Variants in SGCD observed in about 807,000 individuals in gnomAD.
The protein encoded by SGCD is sarcoglycan delta, also known as delta-sarcoglycan.
Under a neutral mutation model 36.6 loss-of-function variants are expected in SGCD, and 18 were observed. The ratio of observed to expected loss-of-function variants is 0.49; its 90% confidence interval spans 0.34 to 0.73. The LOEUF is 0.73. Ranked by LOEUF, SGCD falls within the 30% of genes least tolerant of loss-of-function variation. The pLI is 0.01. For missense variants in SGCD, 387 were observed against 346.7 expected (o/e 1.12, Z -0.92); for synonymous variants, 133 against 130.6 (o/e 1.02, Z -0.12).
At position 156,587,603 on chromosome 5, in the gene SGCD, C is replaced by T. The variant is rs142086963; in HGVS notation, c.295-1628C>T. On this transcript the variant is annotated intron_variant, in intron 4 of 8. Coordinates refer to ENST00000337851, the MANE Select transcript of SGCD (RefSeq NM_000337.6). ...ATTCTGCCATGTGCAGGTGACTGGA[C>T]TGGGCTGGCCAATCCAGTCTGCATC... is the stretch of plus-strand genomic sequence containing the variant. Among the ~76,000 whole-genome samples the T allele has an allele frequency of 1.5e-3, 233 of 152,290 alleles. 2 individuals are homozygous for T. The East Asian group carries it at 0.036, about 24-fold the overall frequency.
intron 3 of SGCD, among the ~76,000 whole-genome samples, chr5:156,409,978 G>A (rs1178479541): frequency 6.6e-6 from 1 of 152,118 alleles, no homozygotes; most frequent in Non-Finnish European, 1.5e-5. Flanking sequence ...GAAGATGTAT[G>A]AAGTAATATG....
chr5:155,863,907 C>T, the SGCD span, among the ~76,000 whole-genome samples: 1 of 152,042 alleles, frequency 6.6e-6, no homozygotes, highest in Non-Finnish European at 1.5e-5. Flanking sequence ...AGACAAGGAC[C>T]CTACTGTCAT....
intron 6 of SGCD, among the ~76,000 whole-genome samples, chr5:156,611,468 A>T (rs1038728914): frequency 2.6e-5 from 4 of 152,158 alleles, no homozygotes; most frequent in Non-Finnish European, 4.4e-5. Flanking sequence ...TCTTTTGAGA[A>T]ATTTGCTTGT....
At chr5:156,634,512 A>C (rs1168432308) in intron 6 of SGCD, among the ~76,000 whole-genome samples, 3 of 152,324 alleles carry the variant, frequency 2.0e-5, no homozygotes, top group Non-Finnish European at 4.4e-5. Context: ...GAGTCAGAGA[A>C]GCCAGACCCA....
chr5:156,429,099 T>C (rs1356502429), intron 3 of SGCD, among the ~76,000 whole-genome samples: 7 of 152,006 alleles, frequency 4.6e-5, no homozygotes, highest in Non-Finnish European at 1.0e-4. Flanking sequence ...TAGTGTTTTA[T>C]TGAAGTCCCC....
chr5:155,794,998 G>T, the SGCD span, among the ~76,000 whole-genome samples: 1 of 152,104 alleles, frequency 6.6e-6, no homozygotes. Flanking sequence ...ACTGACAGCT[G>T]ACATGCTAGC....
At chr5:156,473,728 C>G (rs1265431859) in intron 3 of SGCD, among the ~76,000 whole-genome samples, 3 of 152,084 alleles carry the variant, frequency 2.0e-5, no homozygotes, top group Non-Finnish European at 2.9e-5. Context: ...CAGGCTTCAC[C>G]CTGGGGATAT....
intron 7 of SGCD, among the ~76,000 whole-genome samples, chr5:156,741,644 C>A (rs1398948020): frequency 6.6e-6 from 1 of 152,196 alleles, no homozygotes; most frequent in Non-Finnish European, 1.5e-5. Context: ...GTGAAACCAT[C>A]TCAGAGGGTA....
chr5:156,174,259 A>G (rs2127623501), intron 3 of SGCD, among the ~76,000 whole-genome samples: 1 of 152,316 alleles, frequency 6.6e-6, no homozygotes, highest in South Asian at 2.1e-4. Context: ...TAGAGGGGAG[A>G]GGCTTACTTT....
chr5:156,206,319 A>G (rs1044523752), intron 3 of SGCD, among the ~76,000 whole-genome samples: 4 of 151,968 alleles, frequency 2.6e-5, no homozygotes, highest in African/African-American at 7.2e-5. Flanking sequence ...TAATACTACC[A>G]TGAATAAGTG....
At position 156,488,107 on chromosome 5, in the gene SGCD, T is replaced by TTG. The variant is rs1554107889; in HGVS notation, c.193-20493_193-20492insGT. ...CTGAACTTGAAGACAGGTTTTTTTTTTTTTTTTTTTTTTTTTTAAATAACC... is the reference window on the plus strand; with the variant it reads ...CTGAACTTGAAGACAGGTTTTTTTTTTGTTTTTTTTTTTTTTTTTAAATAACC... On this transcript the variant is annotated intron_variant, in intron 3 of 8. Coordinates refer to ENST00000337851, the MANE Select transcript of SGCD (RefSeq NM_000337.6). Among the ~76,000 whole-genome samples, 1,168 of 140,774 alleles carry TTG rather than the reference T, an allele frequency of 8.3e-3. 21 individuals carry two copies. The highest frequency in any genetic ancestry group is 0.024 in the African/African-American group (900 of 36,742). 92.4% of individuals were successfully genotyped at this position (140,774 alleles called of 152,430 possible). A position where few individuals can be genotyped will look rare whatever the true frequency, so the allele number is the denominator to read the frequency against.
At chr5:155,941,776 C>T (rs1363684091) in intron 1 of SGCD, among the ~76,000 whole-genome samples, 3 of 151,922 alleles carry the variant, frequency 2.0e-5, no homozygotes, top group Non-Finnish European at 2.9e-5. Context: ...TCATTTAATC[C>T]TTATAATAAT....
chr5:156,641,112 A>G (rs574655892), intron 6 of SGCD, among the ~76,000 whole-genome samples: 1 of 152,274 alleles, frequency 6.6e-6, no homozygotes, highest in South Asian at 2.1e-4. Flanking sequence ...TTCACTGCCT[A>G]TTACTTTTAG....
At chr5:156,445,472 G>C (rs1480246433) in intron 3 of SGCD, among the ~76,000 whole-genome samples, 2 of 152,106 alleles carry the variant, frequency 1.3e-5, no homozygotes, top group African/African-American at 2.4e-5. Flanking sequence ...AGAAAGGGAA[G>C]GGAGAAGTAG....
chr5:156,081,398 C>CT (rs879303123), intron 1 of SGCD, among the ~76,000 whole-genome samples: 9 of 151,660 alleles, frequency 5.9e-5, no homozygotes, highest in South Asian at 2.1e-4. Flanking sequence ...AACCATAGCA[C>CT]TTTTTTTTTC....
At chr5:156,465,716 C>T (rs1321732714) in intron 3 of SGCD, among the ~76,000 whole-genome samples, 1 of 152,186 alleles carries the variant, frequency 6.6e-6, no homozygotes, top group Non-Finnish European at 1.5e-5. Context: ...CAGAGGCTTA[C>T]CTTCAGGCTC....
chr5:156,378,702 G>A (rs1340239523), intron 3 of SGCD, among the ~76,000 whole-genome samples: 1 of 151,880 alleles, frequency 6.6e-6, no homozygotes, highest in Non-Finnish European at 1.5e-5. Context: ...AGTCCTTTTA[G>A]AATTTTTTTC....
intron 3 of SGCD, among the ~76,000 whole-genome samples, chr5:156,412,604 C>A (rs2127770580): frequency 6.6e-6 from 1 of 152,274 alleles, no homozygotes; most frequent in South Asian, 2.1e-4. Flanking sequence ...TTGTAACAAA[C>A]ATAGGTGCCA....
At chr5:155,923,231 C>G (rs1756924763) in intron 1 of SGCD, among the ~76,000 whole-genome samples, 1 of 149,836 alleles carries the variant, frequency 6.7e-6, no homozygotes, top group Admixed American at 6.7e-5. Flanking sequence ...ATGAATAATA[C>G]ATGAATAAAC....
Sources: allele counts gnomAD v4.1 joint callset (sites outside exome capture counted in the v4.1 genomes callset), GRCh38; gene constraint gnomAD v4.1.1; transcripts MANE v1.5; gene names NCBI Gene and HGNC (gene_info 2026-07-23, HGNC 2026-07-21).